EYS: variants seen among roughly 807,000 people sequenced by gnomAD.
EYS encodes the protein protein eyes shut homolog.
In EYS, 250 loss-of-function variants were observed where a neutral mutation model predicts 282.1. The ratio of observed to expected loss-of-function variants is 0.89; its 90% CI spans 0.80 to 0.98. The LOEUF (loss-of-function observed/expected upper bound fraction) is 0.98. EYS is among the 50% of genes least tolerant of loss of function. The probability of loss-of-function intolerance (pLI) is 0.00; values close to 1 mark genes in which losing one functional copy is unlikely to be tolerated. For synonymous variants in EYS, 1,355 were observed against 1,282.9 expected, an observed-to-expected ratio of 1.06 and a Z score of -1.20; for missense variants, 4,016 against 3,709.0, an observed-to-expected ratio of 1.08 and a Z score of -2.15.
rs555758759 is a variant in EYS, at chr6:64,596,692, A to G, written c.3685-3383T>C. On this transcript the variant is annotated intron_variant, in intron 24 of 42. Transcript: ENST00000503581. Reference sequence around the variant, plus strand: ...TAAAACTAGACTCGTATCTCTCACCATATACAAAAATCAACTCAAAATTGA... The same window carrying G: ...TAAAACTAGACTCGTATCTCTCACCGTATACAAAAATCAACTCAAAATTGA... Among the ~76,000 whole-genome samples, 4 of 152,314 alleles carry G rather than the reference A, an allele frequency of 2.6e-5. No individual in the cohort carries two copies. In the South Asian group the frequency reaches 8.3e-4, roughly 32 times the overall value.
intron 8 of EYS, among the ~76,000 whole-genome samples, chr6:65,377,049 A>C (rs2150346143): frequency 6.6e-6 from 1 of 152,320 alleles, no homozygotes; most frequent in East Asian, 1.9e-4. Context: ...AGAACTGTCC[A>C]CATCAAATCA....
At chr6:65,147,917 G>A (rs1276920106) in intron 12 of EYS, among the ~76,000 whole-genome samples, 1 of 151,970 alleles carries the variant, frequency 6.6e-6, no homozygotes, top group African/African-American at 2.4e-5. Flanking sequence ...GTATATGCTT[G>A]GAAAACTATC....
chr6:65,434,802 G>C (rs1768014454), intron 5 of EYS, among the ~76,000 whole-genome samples: 1 of 151,994 alleles, frequency 6.6e-6, no homozygotes, highest in Non-Finnish European at 1.5e-5. Flanking sequence ...ATATGAAAAT[G>C]TATTAATATT....
intron 22 of EYS, among the ~76,000 whole-genome samples, chr6:64,761,508 G>A (rs1773156322): frequency 6.6e-6 from 1 of 152,190 alleles, no homozygotes; most frequent in African/African-American, 2.4e-5. Flanking sequence ...TTGAGATGGA[G>A]TCTCACTCTG....
At chr6:63,862,239 G>C (rs1389966662) in intron 36 of EYS, among the ~76,000 whole-genome samples, 1 of 151,816 alleles carries the variant, frequency 6.6e-6, no homozygotes, top group Non-Finnish European at 1.5e-5. Context: ...ATTGTGTTTT[G>C]AGCCATTTTT....
intron 26 of EYS, among the ~76,000 whole-genome samples, chr6:64,564,215 AGTGTGCAAGG>A (rs1240961147): frequency 6.8e-6 from 1 of 147,698 alleles, no homozygotes; most frequent in African/African-American, 2.5e-5. Flanking sequence ...TTCTACCAAC[AGTGTGCAAGG>A]GTTTCCTTTT....
chr6:65,288,606 C>T (rs1048491982), intron 12 of EYS, among the ~76,000 whole-genome samples: 1 of 150,860 alleles, frequency 6.6e-6, no homozygotes, highest in Non-Finnish European at 1.5e-5. Flanking sequence ...ATTCAACACA[C>T]GAGAGCTGCT....
intron 2 of EYS, among the ~76,000 whole-genome samples, chr6:65,519,708 A>ATATATATATTTTTTTTTTTTTTT (rs1554205854): frequency 2.3e-5 from 1 of 42,564 alleles, no homozygotes; most frequent in African/African-American, 1.3e-4. Flanking sequence ...ATATATATAT[A>ATATATATATTTTTTTTTTTTTTT]TTTTTTTTTT....
chr6:65,167,758 A>G (rs922272310), intron 12 of EYS, among the ~76,000 whole-genome samples: 1 of 151,298 alleles, frequency 6.6e-6, no homozygotes, highest in Non-Finnish European at 1.5e-5. Flanking sequence ...TGGGATTCCA[A>G]GTGCCTGTAT....
At chr6:64,791,443 T>C (rs951671891) in intron 22 of EYS, among the ~76,000 whole-genome samples, 1 of 151,768 alleles carries the variant, frequency 6.6e-6, no homozygotes, top group Non-Finnish European at 1.5e-5. Flanking sequence ...TTCTCCTTAA[T>C]TGGGAAAAGT....
At chr6:65,649,826 C>T (rs985831806) in intron 1 of EYS, among the ~76,000 whole-genome samples, 1 of 151,952 alleles carries the variant, frequency 6.6e-6, no homozygotes. Context: ...AGAGGATGAA[C>T]CAAAAGTCAC....
At chr6:65,022,183 C>G (rs1772270514) in intron 13 of EYS, among the ~76,000 whole-genome samples, 1 of 152,156 alleles carries the variant, frequency 6.6e-6, no homozygotes, top group Non-Finnish European at 1.5e-5. Flanking sequence ...CTTTTTTCTC[C>G]TAAGTCTGTG....
rs141007972 is a variant in EYS, at chr6:65,135,418, T to C, written c.2024-77691A>G. Reference sequence around the variant, plus strand: ...TATTTAATATGCAAAAACTTGTTAGTAATTGAGATAGAAGACCTGTAGTTT... The same window carrying C: ...TATTTAATATGCAAAAACTTGTTAGCAATTGAGATAGAAGACCTGTAGTTT... On this transcript the variant is annotated intron_variant, in intron 12 of 42. Transcript: ENST00000503581. Among the ~76,000 whole-genome samples, 953 of 152,158 alleles carry C rather than the reference T, an allele frequency of 6.3e-3. 21 individuals are homozygous for C. The highest frequency in any genetic ancestry group is 0.054 in the East Asian group (277 of 5,158).
At chr6:63,740,966 A>G (rs1188010000) in intron 41 of EYS, among the ~76,000 whole-genome samples, 2 of 152,170 alleles carry the variant, frequency 1.3e-5, no homozygotes. Flanking sequence ...GTTTTCAGTG[A>G]CTCATACCAA....
chr6:65,456,310 G>A (rs1052433222), intron 5 of EYS, among the ~76,000 whole-genome samples: 3 of 151,772 alleles, frequency 2.0e-5, no homozygotes, highest in Non-Finnish European at 4.4e-5. Flanking sequence ...AAATTAGCTG[G>A]GCGTGGTGGA....
chr6:65,164,398 T>C (rs1450809195), intron 12 of EYS, among the ~76,000 whole-genome samples: 1 of 150,094 alleles, frequency 6.7e-6, no homozygotes, highest in African/African-American at 2.5e-5. Context: ...TCTACGATTA[T>C]ACTTTTACTG....
In EYS at chr6:64,858,392, A is replaced by C. The variant is rs1766132285; in HGVS notation, c.2992+28305T>G. 4.6e-5 allele frequency among the ~76,000 whole-genome samples: 7 copies of C among 152,126 alleles called. No individual in the cohort carries two copies. The South Asian group carries it at 1.5e-3, about 32-fold the overall frequency. On this transcript the variant is annotated intron_variant, in intron 19 of 42. Transcript: ENST00000503581. ...GTGTAGTCTTGGCACCTGTGTAAAA[A>C]ATCGCTTAAGCATAAATATGTGGGC... is the stretch of plus-strand genomic sequence containing the variant.
chr6:65,642,466 G>T (rs980033207), intron 1 of EYS, among the ~76,000 whole-genome samples: 1 of 152,084 alleles, frequency 6.6e-6, no homozygotes. Flanking sequence ...ATTTGAATAC[G>T]TTAGATTACT....
chr6:65,285,509 A>G, intron 12 of EYS, among the ~76,000 whole-genome samples: 1 of 151,946 alleles, frequency 6.6e-6, no homozygotes, highest in Admixed American at 6.6e-5. Flanking sequence ...ATAGATTAGA[A>G]ATCTTTTAAG....
Sources: allele counts gnomAD v4.1 joint callset (sites outside exome capture counted in the v4.1 genomes callset), GRCh38; gene constraint gnomAD v4.1.1; transcripts MANE v1.5; gene names NCBI Gene and HGNC (gene_info 2026-07-23, HGNC 2026-07-21).